TESC: variants seen among roughly 807,000 people sequenced by gnomAD.
The protein encoded by TESC is calcineurin B homologous protein 3.
Under a neutral mutation model 31.0 loss-of-function variants are expected in TESC, and 19 were observed. The ratio of observed to expected loss-of-function variants is 0.61; its 90% CI spans 0.43 to 0.90. The LOEUF (loss-of-function observed/expected upper bound fraction) is 0.90. Among genes scored for constraint, TESC ranks in the 40% least tolerant of loss-of-function variants. TESC has a pLI of 0.00. For missense variants in TESC, 248 were observed against 303.8 expected, an observed-to-expected ratio of 0.82 and a Z score of 1.36; for synonymous variants, 109 against 114.8, an observed-to-expected ratio of 0.95 and a Z score of 0.32.
intron 1 of TESC, among the ~76,000 whole-genome samples, chr12:117,096,010 C>T (rs898368161): frequency 2.6e-5 from 4 of 152,226 alleles, no homozygotes; most frequent in African/African-American, 9.6e-5. Flanking sequence ...TCAGTTTCCT[C>T]ACCTGTAAAA....
intron 4 of TESC, chr12:117,048,779 A>G (rs1417595120): frequency 7.4e-6 from 5 of 673,924 alleles, no homozygotes; most frequent in Admixed American, 2.1e-5. Context: ...CATCCACCGC[A>G]CAACCCCCTT....
At chr12:117,053,505 C>T (rs1954677672) in intron 3 of TESC, among the ~76,000 whole-genome samples, 1 of 152,048 alleles carries the variant, frequency 6.6e-6, no homozygotes, top group African/African-American at 2.4e-5. Context: ...AACTGACAGC[C>T]AAGTGACCTT....
intron 3 of TESC, among the ~76,000 whole-genome samples, chr12:117,052,139 A>C (rs1954656688): frequency 6.6e-6 from 1 of 152,096 alleles, no homozygotes; most frequent in African/African-American, 2.4e-5. Flanking sequence ...CAGGGGCTAC[A>C]TCTAAATCTG....
At position 117,084,887 on chromosome 12, in the gene TESC, C is replaced by T. The variant is rs184004617; in HGVS notation, c.59-9547G>A. 2.6e-5 allele frequency among the ~76,000 whole-genome samples: 4 copies of T among 152,230 alleles called. No individual in the cohort carries two copies. In the South Asian group the frequency reaches 6.2e-4, roughly 24 times the overall value. On this transcript the variant is annotated intron_variant, in intron 1 of 7. Transcript: ENST00000335209. ...CCAGGAGTGTGTGGGCCCTGAGGGG[C>T]ACCCCCAAGGCCCCACCTGTGCTTG...
At chr12:117,086,386 G>A (rs1041996226) in intron 1 of TESC, among the ~76,000 whole-genome samples, 1 of 151,958 alleles carries the variant, frequency 6.6e-6, no homozygotes, top group Non-Finnish European at 1.5e-5. Flanking sequence ...ACAAGCATGA[G>A]CCACTGCTCC....
chr12:117,048,331 C>A (rs1326548317), intron 4 of TESC, among the ~76,000 whole-genome samples: 1 of 152,228 alleles, frequency 6.6e-6, no homozygotes, highest in African/African-American at 2.4e-5. Flanking sequence ...CCACCAGCCC[C>A]GCATACACAT....
At chr12:117,096,404 G>A (rs1177488098) in intron 1 of TESC, among the ~76,000 whole-genome samples, 4 of 152,152 alleles carry the variant, frequency 2.6e-5, no homozygotes, top group Admixed American at 6.5e-5. Context: ...CAAGCCGATC[G>A]TCTCGCACGT....
intron 2 of TESC, among the ~76,000 whole-genome samples, chr12:117,057,346 T>C (rs895792472): frequency 8.5e-5 from 13 of 152,180 alleles, no homozygotes; most frequent in African/African-American, 2.7e-4. Flanking sequence ...GTGATCCTCC[T>C]GCCTCAGCCT....
intron 1 of TESC, among the ~76,000 whole-genome samples, chr12:117,078,954 T>A (rs1009565986): frequency 5.9e-5 from 9 of 152,188 alleles, no homozygotes; most frequent in African/African-American, 2.2e-4. Flanking sequence ...CTGAGTACTG[T>A]GTCCCAGGCA....
chr12:117,046,748 C>A, intron 5 of TESC, 29 bp downstream of exon 5: 1 of 1,556,132 alleles, frequency 6.4e-7, no homozygotes, highest in Non-Finnish European at 8.7e-7. Context: ...CACCAGGAGC[C>A]CCGGGCGGGC....
Position 117,075,333 on chromosome 12 carries a change from C to T in TESC, c.66G>A (p.Ser22=), listed in dbSNP as rs146166494. The change falls in exon 2 of 8, where the codon TCG becomes TCA. Residue 22 remains serine (S), a synonymous_variant. Coordinates refer to ENST00000335209, the MANE Select transcript of TESC (RefSeq NM_017899.4). ...TCCGATGGAGCTGCTCGATCTGATC[C>T]GATGAGACTGAGAAGTGGGGGAAAG... ...RELEGKTGFS[S]DQIEQLHRRF... The T allele has an allele frequency of 4.8e-5, 78 of 1,609,550 alleles. No individual in the cohort carries two copies. The African/African-American group carries it at 8.2e-4, about 17-fold the overall frequency.
intron 6 of TESC, among the ~76,000 whole-genome samples, chr12:117,044,955 G>C (rs1954536171): frequency 6.6e-6 from 1 of 152,166 alleles, no homozygotes; most frequent in South Asian, 2.1e-4. Context: ...AACTGCCTTT[G>C]GAAGTCCATT....
At chr12:117,044,185 G>A (rs1355889308) in intron 6 of TESC, among the ~76,000 whole-genome samples, 2 of 152,124 alleles carry the variant, frequency 1.3e-5, no homozygotes, top group Admixed American at 1.3e-4. Flanking sequence ...GATGGCTTGA[G>A]CGCAGGAGAT....
chr12:117,097,717 C>G (rs1394602315), intron 1 of TESC, among the ~76,000 whole-genome samples: 1 of 152,000 alleles, frequency 6.6e-6, no homozygotes, highest in Non-Finnish European at 1.5e-5. Context: ...GGAGAAAAAG[C>G]TCACTCTCCC....
chr12:117,072,745 A>G (rs1954990990), intron 2 of TESC, among the ~76,000 whole-genome samples: 1 of 152,170 alleles, frequency 6.6e-6, no homozygotes, highest in Admixed American at 6.5e-5. Context: ...TGCAGCTACC[A>G]GCGTAGGTAC....
At chr12:117,071,555 G>A (rs1377153296) in intron 2 of TESC, among the ~76,000 whole-genome samples, 5 of 152,208 alleles carry the variant, frequency 3.3e-5, no homozygotes, top group African/African-American at 7.2e-5. Flanking sequence ...CAAAGATGAC[G>A]TTGATGGCAC....
intron 3 of TESC, among the ~76,000 whole-genome samples, chr12:117,053,742 G>A (rs1183565944): frequency 4.6e-5 from 7 of 152,008 alleles, no homozygotes; most frequent in African/African-American, 1.4e-4. Context: ...TCGCGTGCGC[G>A]CGCACGCGCA....
intron 1 of TESC, among the ~76,000 whole-genome samples, chr12:117,089,244 AGTGTTTTCAGACTG>A (rs1433765692): frequency 1.3e-5 from 2 of 152,214 alleles, no homozygotes; most frequent in Non-Finnish European, 2.9e-5. Context: ...TAATGTGAAA[AGTGTTTTCAGACTG>A]GTGAAAAGCT....
rs200731276 is a variant in TESC at position 117,075,983 on chromosome 12, A to AT, written c.59-644dup. 1.1e-3 allele frequency among the ~76,000 whole-genome samples: 128 copies of AT among 117,878 alleles called. 7 individuals carry two copies. The highest frequency in any genetic ancestry group is 2.0e-3 in the African/African-American group (57 of 28,422). 77.3% of individuals were successfully genotyped at this position (117,878 alleles called of 152,430 possible). On this transcript the variant is annotated intron_variant, in intron 1 of 7. Transcript: ENST00000335209. ...TATATATATGTATGTATATATATAT[A>AT]TATTTTTTTTTTTTAGAAATACAGG...
Sources: allele counts gnomAD v4.1 joint callset (sites outside exome capture counted in the v4.1 genomes callset), GRCh38; gene constraint gnomAD v4.1.1; transcripts MANE v1.5; gene names NCBI Gene and HGNC (gene_info 2026-07-23, HGNC 2026-07-21).